The following DDX10 variants were observed in gnomAD, a reference collection of about 807,000 sequenced individuals.
DDX10 encodes the protein probable ATP-dependent RNA helicase DDX10.
Under a neutral mutation model 104.3 loss-of-function variants are expected in DDX10, and 74 were observed. The ratio of observed to expected loss-of-function variants is 0.71; its 90% confidence interval spans 0.59 to 0.86. The LOEUF is 0.86. Ranked by LOEUF, DDX10 falls within the 40% of genes least tolerant of loss-of-function variation. DDX10 has a pLI of 0.00. For synonymous variants in DDX10, 351 were observed against 353.4 expected, an observed-to-expected ratio of 0.99 and a Z score of 0.08; for missense variants, 952 against 1,040.0, an observed-to-expected ratio of 0.92 and a Z score of 1.16.
intron 16 of DDX10, among the ~76,000 whole-genome samples, chr11:108,888,822 A>G (rs191584771): frequency 4.3e-4 from 65 of 152,244 alleles, no homozygotes; most frequent in African/African-American, 1.6e-3. Context: ...GCTAACCAAT[A>G]GACCCTGGTG....
chr11:108,799,489 C>G (rs1466251601), intron 13 of DDX10, among the ~76,000 whole-genome samples: 3 of 152,320 alleles, frequency 2.0e-5, no homozygotes, highest in Non-Finnish European at 4.4e-5. Flanking sequence ...ATCTGAACCT[C>G]ACTCAGACAA....
Position 108,723,477 on chromosome 11 carries a change from A to G in DDX10, c.1965+15A>G, listed in dbSNP as rs776755453. 6 of 1,598,142 alleles carry G rather than the reference A, an allele frequency of 3.8e-6. No individual in the cohort carries two copies. The highest frequency in any genetic ancestry group is 1.3e-5 in the African/African-American group (1 of 74,176). ...AAACATTACAGGTAAGTTTACTCCC[A>G]GTGGAGGGTCTTCTATTACATTGTC... is the stretch of plus-strand genomic sequence containing the variant. On this transcript the variant is annotated intron_variant, in intron 13 of 17. Coordinates refer to ENST00000322536, the MANE Select transcript of DDX10 (RefSeq NM_004398.4).
intron 13 of DDX10, among the ~76,000 whole-genome samples, chr11:108,765,567 G>A (rs540471627): frequency 6.6e-6 from 1 of 152,328 alleles, no homozygotes; most frequent in Middle Eastern, 3.4e-3. Context: ...TTCGACTGCA[G>A]TTTGAGAAAT....
chr11:108,907,423 C>A (rs1443958581), intron 16 of DDX10, among the ~76,000 whole-genome samples: 1 of 151,924 alleles, frequency 6.6e-6, no homozygotes, highest in Admixed American at 6.6e-5. Context: ...GCAACCTCCA[C>A]CTCTCAGGAT....
At chr11:108,675,088 TTGTGTGTGTGTGTGTGTG>T (rs142204234) in intron 2 of DDX10, among the ~76,000 whole-genome samples, 6 of 146,882 alleles carry the variant, frequency 4.1e-5, no homozygotes, top group South Asian at 4.3e-4. Context: ...CATATTCCAT[TTGTGTGTGTGTGTGTGTG>T]TGTGTGTGTG....
intron 13 of DDX10, among the ~76,000 whole-genome samples, chr11:108,750,038 A>G (rs1247105245): frequency 6.6e-6 from 1 of 152,198 alleles, no homozygotes; most frequent in Non-Finnish European, 1.5e-5. Context: ...ATCTGTATAA[A>G]GTACAGCTGT....
intron 6 of DDX10, among the ~76,000 whole-genome samples, chr11:108,682,980 C>A (rs1469222273): frequency 1.3e-5 from 2 of 151,488 alleles, no homozygotes; most frequent in East Asian, 3.9e-4. Flanking sequence ...GTAATTTTTT[C>A]TTTATTTCTG....
At chr11:108,709,457 AT>A (rs1399813641) in intron 10 of DDX10, among the ~76,000 whole-genome samples, 4 of 152,182 alleles carry the variant, frequency 2.6e-5, no homozygotes, top group African/African-American at 7.2e-5. Context: ...TATTGATTCA[AT>A]TTTTTTAATA....
At chr11:108,665,878 A>G (rs1394677459) in intron 1 of DDX10, among the ~76,000 whole-genome samples, 1 of 152,110 alleles carries the variant, frequency 6.6e-6, no homozygotes, top group Non-Finnish European at 1.5e-5. Flanking sequence ...AACATCATCT[A>G]TGCTCCTTCC....
At position 108,678,539 on chromosome 11, in the gene DDX10, G is replaced by C. The variant is rs368419975; in HGVS notation, c.658+104G>C. The C allele has an allele frequency of 2.7e-4, 332 of 1,209,810 alleles. 2 individuals are homozygous for C. The African/African-American group carries it at 4.6e-3, about 17-fold the overall frequency. 74.9% of individuals were successfully genotyped at this position (1,209,810 alleles called of 1,614,324 possible). A position where few individuals can be genotyped will look rare whatever the true frequency, so the allele number is the denominator to read the frequency against. The stretch of plus-strand genomic sequence containing the variant: ...AAATTTTATGTTAGATAAATGTTAT[G>C]ATTCAAAACAAACTTAAAAATTACT... On this transcript the variant is annotated intron_variant, in intron 5 of 17. Coordinates refer to ENST00000322536, the MANE Select transcript of DDX10 (RefSeq NM_004398.4).
chr11:108,910,018 A>G (rs181381342), intron 16 of DDX10, among the ~76,000 whole-genome samples: 2 of 152,134 alleles, frequency 1.3e-5, no homozygotes, highest in East Asian at 1.9e-4. Flanking sequence ...TGGAGTGATC[A>G]GAATTGGGGA....
intron 2 of DDX10, among the ~76,000 whole-genome samples, chr11:108,674,879 A>C (rs1313670564): frequency 6.6e-6 from 1 of 151,352 alleles, no homozygotes; most frequent in Non-Finnish European, 1.5e-5. Context: ...ACATCTTCCC[A>C]CTCTCCTTAC....
chr11:108,791,059 A>T (rs1439721418), intron 13 of DDX10, among the ~76,000 whole-genome samples: 5 of 152,196 alleles, frequency 3.3e-5, no homozygotes, highest in African/African-American at 4.8e-5. Context: ...TCCCTCTACT[A>T]GAATATGGAC....
At chr11:108,743,111 A>G (rs749384377) in intron 13 of DDX10, among the ~76,000 whole-genome samples, 2 of 152,194 alleles carry the variant, frequency 1.3e-5, no homozygotes, top group South Asian at 2.1e-4. Flanking sequence ...CTTGATGAAC[A>G]TAGATGCAAA....
chr11:108,728,161 A>G (rs1217909969), intron 13 of DDX10, among the ~76,000 whole-genome samples: 4 of 152,202 alleles, frequency 2.6e-5, no homozygotes, highest in Non-Finnish European at 5.9e-5. Context: ...TTAAATGCTC[A>G]TTCTAAGAAA....
At chr11:108,758,547 G>A (rs2094347134) in intron 13 of DDX10, among the ~76,000 whole-genome samples, 1 of 152,052 alleles carries the variant, frequency 6.6e-6, no homozygotes, top group African/African-American at 2.4e-5. Flanking sequence ...TCTCACTGGA[G>A]TAAAAGCAAC....
intron 16 of DDX10, among the ~76,000 whole-genome samples, chr11:108,857,183 C>CT (rs1013597335): frequency 6.6e-6 from 1 of 151,944 alleles, no homozygotes; most frequent in Admixed American, 6.6e-5. Flanking sequence ...CTGTATGTTG[C>CT]TTTTTTTTCT....
chr11:108,720,446 A>G (rs907047672), intron 12 of DDX10, among the ~76,000 whole-genome samples: 1 of 152,108 alleles, frequency 6.6e-6, no homozygotes, highest in Non-Finnish European at 1.5e-5. Flanking sequence ...TGTTTTCTTC[A>G]ATTGCTTACT....
At chr11:108,851,103 A>G (rs1004589430) in intron 15 of DDX10, among the ~76,000 whole-genome samples, 9 of 152,148 alleles carry the variant, frequency 5.9e-5, no homozygotes, top group Non-Finnish European at 1.2e-4. Context: ...GTTCCTTGAT[A>G]TATAGCTATA....
Sources: gnomAD v4.1 joint callset for allele counts (sites outside exome capture counted in the v4.1 genomes callset) on GRCh38, gnomAD v4.1.1 for gene constraint, MANE v1.5 for transcripts, NCBI Gene and HGNC (gene_info 2026-07-23, HGNC 2026-07-21) for gene names.